The following HDAC9 variants were observed in gnomAD, a reference collection of about 807,000 sequenced individuals.
HDAC9 encodes histone deacetylase 9.
Under a neutral mutation model 139.4 loss-of-function variants are expected in HDAC9, and 41 were observed. That is an observed-to-expected ratio of 0.29 (90% CI 0.23 to 0.38). The LOEUF (loss-of-function observed/expected upper bound fraction) is 0.38, where lower values mean the gene tolerates loss of function less well. Ranked by LOEUF, HDAC9 falls within the 10% of genes least tolerant of loss-of-function variation. The pLI is 1.00. For missense variants in HDAC9, 1,147 were observed against 1,297.0 expected (o/e 0.88, Z 1.78); for synonymous variants, 517 against 476.2 (o/e 1.09, Z -1.12).
intron 6 of HDAC9, among the ~76,000 whole-genome samples, chr7:18,616,188 T>G (rs998757585): frequency 2.0e-5 from 3 of 152,206 alleles, no homozygotes; most frequent in African/African-American, 7.2e-5. Context: ...ATTGGCAACC[T>G]TAAATCCATT....
chr7:18,878,484 C>G (rs1799488947), intron 22 of HDAC9, among the ~76,000 whole-genome samples: 1 of 152,016 alleles, frequency 6.6e-6, no homozygotes, highest in Non-Finnish European at 1.5e-5. Flanking sequence ...TTTCTCTCAG[C>G]AAATATACAA....
chr7:18,738,407 C>T (rs906954380), intron 13 of HDAC9, among the ~76,000 whole-genome samples: 4 of 152,178 alleles, frequency 2.6e-5, no homozygotes, highest in Non-Finnish European at 4.4e-5. Flanking sequence ...CCAGTTGTTT[C>T]TTTCCATGTT....
chr7:18,482,927 C>A (rs1202698415), intron 1 of HDAC9, among the ~76,000 whole-genome samples: 1 of 152,096 alleles, frequency 6.6e-6, no homozygotes, highest in Non-Finnish European at 1.5e-5. Flanking sequence ...TATGAGGAAA[C>A]CCTTAAAAAC....
At chr7:18,759,437 G>A (rs951035037) in intron 14 of HDAC9, among the ~76,000 whole-genome samples, 1 of 151,940 alleles carries the variant, frequency 6.6e-6, no homozygotes, top group African/African-American at 2.4e-5. Context: ...TCTAGGTTGA[G>A]CGCTCCTTAT....
At chr7:18,782,643 T>C (rs1791344282) in intron 16 of HDAC9, among the ~76,000 whole-genome samples, 1 of 152,078 alleles carries the variant, frequency 6.6e-6, no homozygotes, top group African/African-American at 2.4e-5. Flanking sequence ...TTATCACAGA[T>C]GATTTTTGTC....
intron 22 of HDAC9, among the ~76,000 whole-genome samples, chr7:18,893,179 T>C (rs1800850501): frequency 6.6e-6 from 1 of 151,984 alleles, no homozygotes; most frequent in Non-Finnish European, 1.5e-5. Context: ...ATGGTGACAG[T>C]AGTGTCAAAA....
intron 23 of HDAC9, among the ~76,000 whole-genome samples, chr7:18,940,739 A>T (rs1202548007): frequency 6.6e-6 from 1 of 152,142 alleles, no homozygotes; most frequent in Non-Finnish European, 1.5e-5. Flanking sequence ...TTTAAGGCCA[A>T]ATTTGCCTAC....
At chr7:18,553,757 A>C (rs1817862242) in intron 2 of HDAC9, among the ~76,000 whole-genome samples, 1 of 152,226 alleles carries the variant, frequency 6.6e-6, no homozygotes, top group South Asian at 2.1e-4. Flanking sequence ...GGTGGCTGCC[A>C]CTGATTTTAT....
At chr7:18,155,324 A>G (rs2128122787) in intron 1 of HDAC9, among the ~76,000 whole-genome samples, 1 of 152,224 alleles carries the variant, frequency 6.6e-6, no homozygotes, top group South Asian at 2.1e-4. Flanking sequence ...AGGCATTTGG[A>G]ATATGGGTTG....
At chr7:18,095,166 C>T (rs1416032900) in intron 1 of HDAC9, among the ~76,000 whole-genome samples, 1 of 152,022 alleles carries the variant, frequency 6.6e-6, no homozygotes, top group Non-Finnish European at 1.5e-5. Context: ...CTTCTCTGCC[C>T]TACTTTTTCA....
intron 22 of HDAC9, among the ~76,000 whole-genome samples, chr7:18,915,087 G>T (rs1255570240): frequency 6.6e-6 from 1 of 152,032 alleles, no homozygotes; most frequent in Non-Finnish European, 1.5e-5. Context: ...AAATCAATTT[G>T]TACGCATTTG....
chr7:18,424,063 C>T (rs1465625071), intron 1 of HDAC9, among the ~76,000 whole-genome samples: 3 of 152,172 alleles, frequency 2.0e-5, no homozygotes, highest in African/African-American at 7.2e-5. Context: ...ATTTTATATT[C>T]ACTCCTAATC....
chr7:18,554,656 G>A (rs1818249468), intron 2 of HDAC9, among the ~76,000 whole-genome samples: 1 of 152,114 alleles, frequency 6.6e-6, no homozygotes, highest in South Asian at 2.1e-4. Flanking sequence ...TGAAGATCAT[G>A]CTGATTCTTC....
rs116025294 is a variant in HDAC9 at position 18,943,511 on chromosome 7, A to G, written c.2937+7569A>G. Among the ~76,000 whole-genome samples, 489 of 152,218 alleles carry G rather than the reference A, an allele frequency of 3.2e-3. 4 individuals are homozygous for G. The highest frequency in any genetic ancestry group is 0.011 in the African/African-American group (475 of 41,566). On this transcript the variant is annotated intron_variant, in intron 23 of 25. Coordinates refer to ENST00000686413, the MANE Select transcript of HDAC9 (RefSeq NM_178425.4). ...ATGTGCAAACTGTCCATGGTTAAGC[A>G]TCATGGAAATTATGGGATACTATTT...
chr7:18,117,820 C>G (rs1784104392), intron 1 of HDAC9, among the ~76,000 whole-genome samples: 1 of 152,092 alleles, frequency 6.6e-6, no homozygotes, highest in Admixed American at 6.5e-5. Flanking sequence ...TACGGCAGCC[C>G]TAGGAAAGGA....
chr7:18,461,757 T>A (rs1165314245), intron 1 of HDAC9, among the ~76,000 whole-genome samples: 2 of 152,174 alleles, frequency 1.3e-5, no homozygotes, highest in African/African-American at 2.4e-5. Context: ...TGTGTTACTG[T>A]TAGATTTTTT....
intron 1 of HDAC9, among the ~76,000 whole-genome samples, chr7:18,453,072 T>C (rs141598332): frequency 3.3e-5 from 5 of 152,320 alleles, no homozygotes; most frequent in Non-Finnish European, 7.3e-5. Context: ...AATTATAAAG[T>C]ATTCATTGAA....
chr7:18,411,816 G>GTTTTTTTTTTTTTT (rs1280818174), intron 1 of HDAC9, among the ~76,000 whole-genome samples: 1 of 89,430 alleles, frequency 1.1e-5, no homozygotes, highest in Admixed American at 1.4e-4. Flanking sequence ...ATTTCAACTT[G>GTTTTTTTTTTTTTT]CTTTTTTTTT....
At chr7:18,148,886 G>T (rs781730439) in intron 1 of HDAC9, among the ~76,000 whole-genome samples, 9 of 152,070 alleles carry the variant, frequency 5.9e-5, no homozygotes, top group Non-Finnish European at 1.0e-4. Flanking sequence ...ATTCCCCTTG[G>T]CATATGAGGT....
Sources: allele counts gnomAD v4.1 joint callset (sites outside exome capture counted in the v4.1 genomes callset), GRCh38; gene constraint gnomAD v4.1.1; transcripts MANE v1.5; gene names NCBI Gene and HGNC (gene_info 2026-07-23, HGNC 2026-07-21).